PPP5C: variants seen among roughly 807,000 people sequenced by gnomAD.
PPP5C encodes the protein serine/threonine-protein phosphatase 5.
In PPP5C, 21 loss-of-function variants were observed where a neutral mutation model predicts 66.7. The ratio of observed to expected loss-of-function variants is 0.31; its 90% CI spans 0.22 to 0.45. The LOEUF (loss-of-function observed/expected upper bound fraction) is 0.45, where lower values mean the gene tolerates loss of function less well. Ranked by LOEUF, PPP5C falls within the 20% of genes least tolerant of loss-of-function variation. The pLI is 1.00. For missense variants in PPP5C, 464 were observed against 675.9 expected (o/e 0.69, Z 3.48); for synonymous variants, 246 against 257.4 (o/e 0.96, Z 0.43).
At chr19:46,384,547 G>C in intron 6 of PPP5C, 1 of 427,280 alleles carries the variant, frequency 2.3e-6, no homozygotes, top group Non-Finnish European at 4.4e-6. Flanking sequence ...CTGGCTTTCC[G>C]GGAGACAGGA....
At chr19:46,357,067 G>T (rs1428791828) in intron 2 of PPP5C, among the ~76,000 whole-genome samples, 2 of 152,096 alleles carry the variant, frequency 1.3e-5, no homozygotes, top group Non-Finnish European at 2.9e-5. Context: ...TTTTGTTTGA[G>T]AGAGAGTCTT....
chr19:46,369,713 G>T (rs1402516683), intron 2 of PPP5C, among the ~76,000 whole-genome samples: 1 of 151,394 alleles, frequency 6.6e-6, no homozygotes, highest in African/African-American at 2.4e-5. Flanking sequence ...AGATCACGAG[G>T]TCAGGAGTTC....
At chr19:46,347,274 C>G in intron 1 of PPP5C, 57 bp downstream of exon 1, 1 of 1,526,374 alleles carries the variant, frequency 6.6e-7, no homozygotes, top group Non-Finnish European at 8.8e-7. Flanking sequence ...GTGCCGGGCC[C>G]GCGCGGAACC....
At chr19:46,386,371 ACG>A (rs1972886514) in intron 7 of PPP5C, among the ~76,000 whole-genome samples, 1 of 152,162 alleles carries the variant, frequency 6.6e-6, no homozygotes, top group South Asian at 2.1e-4. Context: ...CACAGGGTTC[ACG>A]CAGCAGTGTC....
rs1300934292 is a variant in PPP5C at position 46,375,699 on chromosome 19, G to A, written c.459G>A (p.Ala153=). 47 of 1,612,172 alleles carry A rather than the reference G, an allele frequency of 2.9e-5. 1 individual carries two copies. Among genetic ancestry groups the A allele is most frequent in the South Asian group, 8.8e-5 (8 of 90,744 alleles). ...VKQKAFERAI[A]GDEHKRSVVD... ...AGAAGGCCTTTGAGCGGGCCATCGC[G>A]GGCGACGAGCACAAGCGCTCCGTGG... The change falls in exon 3 of 13, where the codon GCG becomes GCA. Residue 153 remains alanine, a synonymous_variant. Transcript: ENST00000012443.
chr19:46,384,789 T>A lies in PPP5C; in HGVS notation c.799-15T>A. On this transcript the variant is annotated splice_polypyrimidine_tract_variant and intron_variant, in intron 6 of 12. Coordinates refer to ENST00000012443, the MANE Select transcript of PPP5C (RefSeq NM_006247.4). ...CTTCCCCTCCACGCTTGCCATGTTT[T>A]CCTCAGCAGGACAGATATTTAATGG... 6.2e-7 allele frequency: 1 copy of A among 1,603,248 alleles called. No homozygotes were observed. The highest frequency in any genetic ancestry group is 8.5e-7 in the Non-Finnish European group (1 of 1,170,176).
At chr19:46,374,405 C>A (rs1007438451) in intron 2 of PPP5C, among the ~76,000 whole-genome samples, 4 of 151,916 alleles carry the variant, frequency 2.6e-5, no homozygotes, top group Admixed American at 1.3e-4. Flanking sequence ...ATACGGGGGT[C>A]TGCTCCTGGG....
At chr19:46,365,155 G>A (rs987132051) in intron 2 of PPP5C, among the ~76,000 whole-genome samples, 3 of 151,914 alleles carry the variant, frequency 2.0e-5, no homozygotes, top group Non-Finnish European at 2.9e-5. Flanking sequence ...GCTACTTTTT[G>A]TGTTTTTAGT....
At chr19:46,350,120 A>G (rs1297359178) in intron 1 of PPP5C, among the ~76,000 whole-genome samples, 2 of 152,128 alleles carry the variant, frequency 1.3e-5, no homozygotes, top group Non-Finnish European at 2.9e-5. Context: ...CTGGAGGGGC[A>G]GGACAAGAGG....
At chr19:46,363,914 C>T (rs1020217280) in intron 2 of PPP5C, among the ~76,000 whole-genome samples, 1 of 152,070 alleles carries the variant, frequency 6.6e-6, no homozygotes, top group Non-Finnish European at 1.5e-5. Context: ...GAGCTTTAGA[C>T]CTGAGAGGAG....
intron 8 of PPP5C, 64 bp downstream of exon 8, chr19:46,387,299 G>C (rs939518893): frequency 1.9e-6 from 3 of 1,611,748 alleles, no homozygotes; most frequent in African/African-American, 2.7e-5. Context: ...AGATGTGCTG[G>C]TGAAGGAAGT....
chr19:46,365,970 C>A (rs1377337909), intron 2 of PPP5C, among the ~76,000 whole-genome samples: 2 of 152,158 alleles, frequency 1.3e-5, no homozygotes, highest in Admixed American at 6.6e-5. Context: ...GAATCCCTTG[C>A]TCATAGACAA....
intron 2 of PPP5C, 33 bp downstream of exon 2, chr19:46,354,022 G>A: frequency 6.2e-7 from 1 of 1,605,842 alleles, no homozygotes. Context: ...CCTGGCACCT[G>A]AGCCAGGCAG....
At chr19:46,382,016 C>T (rs565037101) in intron 4 of PPP5C, 1 of 152,120 alleles carries the variant, frequency 6.6e-6, no homozygotes, top group South Asian at 2.1e-4. Flanking sequence ...AGCCCTGCCG[C>T]CAGACTGTGG....
At chr19:46,366,866 T>C (rs1972499569) in intron 2 of PPP5C, among the ~76,000 whole-genome samples, 1 of 152,234 alleles carries the variant, frequency 6.6e-6, no homozygotes, top group Admixed American at 6.5e-5. Flanking sequence ...GGGATATGAC[T>C]GCTGTCCTAT....
chr19:46,376,061 G>A lies in PPP5C; in HGVS notation c.511+310G>A, dbSNP rs1354326107. The stretch of plus-strand genomic sequence containing the variant: ...AGGTGCTGAGAAGATCCAAGGGATT[G>A]TTGTGGATCATCCCACAGATGATTA... On this transcript the variant is annotated intron_variant, in intron 3 of 12. Coordinates refer to ENST00000012443, the MANE Select transcript of PPP5C (RefSeq NM_006247.4). This position sits in a 1 kb window ranked among gnomAD's most constrained non-coding sequence, Gnocchi z 5.1. Among the ~76,000 whole-genome samples the A allele has an allele frequency of 2.6e-5, 4 of 152,192 alleles. No homozygotes were observed. In the East Asian group the frequency reaches 7.7e-4, roughly 29 times the overall value.
At chr19:46,348,307 ATTTTTTT>A (rs35992791) in intron 1 of PPP5C, among the ~76,000 whole-genome samples, 8 of 111,268 alleles carry the variant, frequency 7.2e-5, no homozygotes, top group African/African-American at 7.8e-5. Context: ...CCAGTTTGGA[ATTTTTTT>A]TTTTTTTTTT....
rs373340032 is a variant in PPP5C, at chr19:46,375,899, C to T, written c.511+148C>T. On this transcript the variant is annotated intron_variant, in intron 3 of 12. Coordinates refer to ENST00000012443, the MANE Select transcript of PPP5C (RefSeq NM_006247.4). Reference sequence around the variant, plus strand: ...TCGCTCCTCTGCCTGTGTTCCAGGGCGCTCCATCCACAGCCCAAAGCTGGG... The same window carrying T: ...TCGCTCCTCTGCCTGTGTTCCAGGGTGCTCCATCCACAGCCCAAAGCTGGG... 265 of 1,366,606 alleles carry T rather than the reference C, an allele frequency of 1.9e-4. No individual in the cohort carries two copies. In the African/African-American group the frequency reaches 3.0e-3, roughly 16 times the overall value. The allele number at this position is 1,366,606 out of a possible 1,614,324, so 84.7% of individuals were successfully genotyped here. A position where few individuals can be genotyped will look rare whatever the true frequency, so the allele number is the denominator to read the frequency against.
chr19:46,354,875 C>T (rs978620667), intron 2 of PPP5C, among the ~76,000 whole-genome samples: 2 of 151,978 alleles, frequency 1.3e-5, no homozygotes, highest in Non-Finnish European at 2.9e-5. Context: ...AGGGAGGGGA[C>T]CTAGGGCACA....
Sources: allele counts gnomAD v4.1 joint callset (sites outside exome capture counted in the v4.1 genomes callset), GRCh38; gene constraint gnomAD v4.1.1; non-coding constraint Gnocchi (gnomAD v3.1); transcripts MANE v1.5; gene names NCBI Gene and HGNC (gene_info 2026-07-23, HGNC 2026-07-21).